Variants in KCTD21 observed in about 807,000 individuals in gnomAD.
KCTD21 encodes BTB/POZ domain-containing protein KCTD21.
In KCTD21, 9 loss-of-function variants were observed where a neutral mutation model predicts 13.2. The observed-to-expected ratio is 0.68, with a 90% confidence interval of 0.41 to 1.19. KCTD21 has a LOEUF of 1.19. Among genes scored for constraint, KCTD21 ranks in the 50% most tolerant of loss-of-function variants. The pLI is 0.01. For missense variants in KCTD21, 303 were observed against 336.5 expected (o/e 0.90, Z 0.78); for synonymous variants, 142 against 137.4 (o/e 1.03, Z -0.23).
At position 78,174,313 on chromosome 11, in the gene KCTD21, C is replaced by T. The variant is rs757345678; in HGVS notation, c.242G>A (p.Arg81His). Reference sequence around the variant, plus strand: ...CACCTGGTAGAAGTCGGCCTCCCTGCGGAGCAGCCCCATCTCCTGGAAGTC... The same window carrying T: ...CACCTGGTAGAAGTCGGCCTCCCTGTGGAGCAGCCCCATCTCCTGGAAGTC... Reference protein sequence around the residue: ...PEDFQEMGLLRREADFYQVQP... With the variant: ...PEDFQEMGLLHREADFYQVQP... The change falls in exon 2 of 2, where the codon CGC (arginine) becomes CAC (histidine). Residue 81 changes from arginine to histidine, a missense_variant. Coordinates refer to ENST00000340067, the MANE Select transcript of KCTD21 (RefSeq NM_001029859.3). The T allele has an allele frequency of 3.2e-5, 52 of 1,613,952 alleles. No homozygotes were observed. The highest frequency in any genetic ancestry group is 6.7e-5 in the African/African-American group (5 of 74,902).
At position 78,188,332 on chromosome 11, in the gene KCTD21, T is replaced by C. The variant is rs576506463; in HGVS notation, c.-30+241A>G. 2.6e-5 allele frequency: 26 copies of C among 982,406 alleles called. No individual in the cohort carries two copies. In the African/African-American group the frequency reaches 4.5e-4, roughly 17 times the overall value. The allele number at this position is 982,406 out of a possible 1,614,324, so 60.9% of individuals were successfully genotyped here. A position where few individuals can be genotyped will look rare whatever the true frequency, so the allele number is the denominator to read the frequency against. ...CCCTCATTATCCGGGCTTTTCCGAC[T>C]ATCACCATCCGCCCTTGCTCTCCCA... On this transcript the variant is annotated intron_variant, in intron 1 of 1. Coordinates refer to ENST00000340067, the MANE Select transcript of KCTD21 (RefSeq NM_001029859.3).
rs1227415150 is a variant in KCTD21, at chr11:78,173,471, T to C, written c.*301A>G. On this transcript the variant is annotated 3_prime_UTR_variant, in exon 2 of 2. Transcript: ENST00000340067. ...GAGATGGAGCCCAGGAGAAAACTGC[T>C]GCTCTTTTGTCCTGGCTGGAAAATC... 1 of 297,522 alleles carries C rather than the reference T, an allele frequency of 3.4e-6. No homozygotes were observed. The highest frequency in any genetic ancestry group is 6.3e-6 in the Non-Finnish European group (1 of 158,990). The allele number at this position is 297,522 out of a possible 1,614,324, so 18.4% of individuals were successfully genotyped here.
chr11:78,175,608 A>C (rs780767860), intron 1 of KCTD21, among the ~76,000 whole-genome samples: 1 of 152,180 alleles, frequency 6.6e-6, no homozygotes, highest in Non-Finnish European at 1.5e-5. Context: ...GAATTTAATT[A>C]TTATTCTCTC....
chr11:78,188,597 T>C lies in KCTD21; in HGVS notation c.-54A>G, dbSNP rs1204011803. The C allele has an allele frequency of 1.5e-5, 15 of 985,420 alleles. No homozygotes were observed. Among genetic ancestry groups the C allele is most frequent in the East Asian group, 1.1e-4 (1 of 8,792 alleles). The allele number at this position is 985,420 out of a possible 1,614,324, so 61.0% of individuals were successfully genotyped here. On this transcript the variant is annotated 5_prime_UTR_variant, in exon 1 of 2. Transcript: ENST00000340067. ...CCTCCTGCCCTCGCTCTGCAGCCTCTCCCTCCGCGAGCGGCCAGCGCAGCT... is the reference window on the plus strand; with the variant it reads ...CCTCCTGCCCTCGCTCTGCAGCCTCCCCCTCCGCGAGCGGCCAGCGCAGCT...
chr11:78,179,889 G>C (rs1304567583), intron 1 of KCTD21, among the ~76,000 whole-genome samples: 3 of 152,024 alleles, frequency 2.0e-5, no homozygotes, highest in African/African-American at 7.3e-5. Flanking sequence ...CTCCTCTCAG[G>C]GCTTCCTGGT....
intron 1 of KCTD21, 48 bp from the exon 2 acceptor site, chr11:78,174,631 A>G: frequency 7.6e-7 from 1 of 1,316,238 alleles, no homozygotes; most frequent in South Asian, 1.4e-5. Flanking sequence ...ACCTTATCAG[A>G]GAACTCACAG....
chr11:78,175,755 AAAGTTT>A (rs1862435186), intron 1 of KCTD21, among the ~76,000 whole-genome samples: 1 of 152,040 alleles, frequency 6.6e-6, no homozygotes, highest in Admixed American at 6.6e-5. Context: ...TATTATTATT[AAAGTTT>A]TAGGGTACAT....
chr11:78,174,651 C>A, intron 1 of KCTD21, 68 bp from the exon 2 acceptor site: 1 of 1,062,954 alleles, frequency 9.4e-7, no homozygotes, highest in South Asian at 1.6e-5. Flanking sequence ...GTCCTTAACT[C>A]CTTATTGTAC....
At chr11:78,188,128 C>A (rs1234951367) in intron 1 of KCTD21, 1 of 985,298 alleles carries the variant, frequency 1.0e-6, no homozygotes, top group African/African-American at 1.7e-5. Context: ...GGCAAGTTCC[C>A]TGTCATCTGT....
rs1282143182 is a variant in KCTD21, at chr11:78,173,008, A to T, written c.*764T>A. The T allele has an allele frequency of 6.6e-6, 1 of 152,652 alleles. No individual in the cohort carries two copies. Among genetic ancestry groups the T allele is most frequent in the Non-Finnish European group, 1.5e-5 (1 of 68,046 alleles). The allele number at this position is 152,652 out of a possible 1,614,324, so 9.5% of individuals were successfully genotyped here. A position where few individuals can be genotyped will look rare whatever the true frequency, so the allele number is the denominator to read the frequency against. On this transcript the variant is annotated 3_prime_UTR_variant, in exon 2 of 2. Coordinates refer to ENST00000340067, the MANE Select transcript of KCTD21 (RefSeq NM_001029859.3). The stretch of plus-strand genomic sequence containing the variant: ...AAATTTTTGGGAAAACAATGACAAA[A>T]GTCAGGTAACAGGCTGGATTTGGAA...
intron 1 of KCTD21, chr11:78,187,210 C>T (rs1487482435): frequency 1.0e-6 from 1 of 985,228 alleles, no homozygotes; most frequent in African/African-American, 1.7e-5. Flanking sequence ...CCACCTTACC[C>T]CACCGGAGAA....
In KCTD21 at chr11:78,180,179, C is replaced by A. The variant is rs113052691; in HGVS notation, c.-29-5596G>T. Among the ~76,000 whole-genome samples, 433 of 152,262 alleles carry A rather than the reference C, an allele frequency of 2.8e-3. 3 individuals are homozygous for A. The highest frequency in any genetic ancestry group is 9.7e-3 in the African/African-American group (401 of 41,542). ...TGGATAGGACCTAAAAGGGACAAAC[C>A]ATTAAAAACATCAATAAACTAGACT... On this transcript the variant is annotated intron_variant, in intron 1 of 1. Coordinates refer to ENST00000340067, the MANE Select transcript of KCTD21 (RefSeq NM_001029859.3).
In KCTD21 at chr11:78,173,553, G is replaced by A. The variant is rs554892177; in HGVS notation, c.*219C>T. 44 of 538,734 alleles carry A rather than the reference G, an allele frequency of 8.2e-5. No individual in the cohort carries two copies. The highest frequency in any genetic ancestry group is 4.9e-4 in the Middle Eastern group (1 of 2,026). The allele number at this position is 538,734 out of a possible 1,614,324, so 33.4% of individuals were successfully genotyped here. On this transcript the variant is annotated 3_prime_UTR_variant, in exon 2 of 2. Transcript: ENST00000340067. ...GACTCTTCACTTGTCATAATAAACC[G>A]CCTGTCTGCAGCTCAAAATGGCAAG...
intron 1 of KCTD21, among the ~76,000 whole-genome samples, chr11:78,180,404 T>C (rs1293387951): frequency 2.0e-5 from 3 of 152,244 alleles, no homozygotes; most frequent in African/African-American, 7.2e-5. Flanking sequence ...CACATGCCTG[T>C]AATCCCAGCA....
intron 1 of KCTD21, chr11:78,187,978 G>C (rs992677152): frequency 1.0e-6 from 1 of 985,414 alleles, no homozygotes; most frequent in African/African-American, 1.7e-5. Flanking sequence ...GGGCGTGGGA[G>C]GTCAATGAGA....
rs1223554087 is a variant in KCTD21 at position 78,173,790 on chromosome 11, T to C, written c.765A>G (p.Arg255=). 2 of 1,613,086 alleles carry C rather than the reference T, an allele frequency of 1.2e-6. No individual in the cohort carries two copies. Among genetic ancestry groups the C allele is most frequent in the Non-Finnish European group, 1.7e-6 (2 of 1,179,288 alleles). ...ALDFMNNKII[R]LIRYR ...GGTCCTTTTACCTGTACCGTATTAA[T>C]CGAATAATCTTATTGTTCATAAAAT... The change falls in exon 2 of 2, where the codon CGA becomes CGG. Residue 255 remains arginine, a synonymous_variant. Transcript: ENST00000340067.
At chr11:78,178,416 C>T (rs1862519175) in intron 1 of KCTD21, among the ~76,000 whole-genome samples, 2 of 152,196 alleles carry the variant, frequency 1.3e-5, no homozygotes, top group African/African-American at 2.4e-5. Context: ...GCGTGAGCCA[C>T]CGTGCCTGGT....
rs755906372 is a variant in KCTD21 at position 78,174,035 on chromosome 11, T to C, written c.520A>G (p.Ile174Val). 1.9e-6 allele frequency: 3 copies of C among 1,613,872 alleles called. No homozygotes were observed. Among genetic ancestry groups the C allele is most frequent in the Admixed American group, 3.3e-5 (2 of 59,984 alleles). The change falls in exon 2 of 2, where the codon ATC becomes GTC. Residue 174 changes from isoleucine (I) to valine (V), a missense_variant. Transcript: ENST00000340067. ...FYCSNGNLSS[I>V]TSHLQDPNHL... ...TTGGGGTCCTGCAAGTGGCTGGTGA[T>C]GGAGGAGAGATTGCCATTGGAGCAG... is the stretch of plus-strand genomic sequence containing the variant.
rs187574842 is a variant in KCTD21, at chr11:78,172,487, G to C, written c.*1285C>G. ...ACAGATGGTGGGGAAGGTGGGTGAA[G>C]TGGGGGTCACAAACGAGGTGAAGCT... is the stretch of plus-strand genomic sequence containing the variant. On this transcript the variant is annotated 3_prime_UTR_variant, in exon 2 of 2. Transcript: ENST00000340067. 82 of 152,380 alleles carry C rather than the reference G, an allele frequency of 5.4e-4. No individual in the cohort carries two copies. Among genetic ancestry groups the C allele is most frequent in the African/African-American group, 1.9e-3 (80 of 41,560 alleles). The allele number at this position is 152,380 out of a possible 1,614,324, so 9.4% of individuals were successfully genotyped here.
Sources: allele counts gnomAD v4.1 joint callset (sites outside exome capture counted in the v4.1 genomes callset), GRCh38; gene constraint gnomAD v4.1.1; transcripts MANE v1.5; gene names NCBI Gene and HGNC (gene_info 2026-07-23, HGNC 2026-07-21).